BCAR3: variants seen among roughly 807,000 people sequenced by gnomAD.
The protein encoded by BCAR3 is breast cancer anti-estrogen resistance protein 3.
Under a neutral mutation model 80.1 loss-of-function variants are expected in BCAR3, and 37 were observed. The observed-to-expected ratio is 0.46, with a 90% CI of 0.36 to 0.61. The LOEUF (loss-of-function observed/expected upper bound fraction) is 0.61. Among genes scored for constraint, BCAR3 ranks in the 20% least tolerant of loss-of-function variants. BCAR3 has a pLI of 0.00. For synonymous variants in BCAR3, 389 were observed against 418.9 expected (o/e 0.93, Z 0.87); for missense variants, 978 against 1,068.2 (o/e 0.92, Z 1.18).
At chr1:93,677,070 T>C (rs1216586250) in intron 1 of BCAR3, among the ~76,000 whole-genome samples, 1 of 152,224 alleles carries the variant, frequency 6.6e-6, no homozygotes, top group East Asian at 1.9e-4. Flanking sequence ...GCCTATTTCA[T>C]ACAAGACACC....
intron 3 of BCAR3, among the ~76,000 whole-genome samples, chr1:93,694,775 C>G (rs1649326335): frequency 6.6e-6 from 1 of 152,228 alleles, no homozygotes; most frequent in Non-Finnish European, 1.5e-5. Flanking sequence ...TGGGAGACCC[C>G]AAACCACACT....
At chr1:93,627,310 T>C (rs557069438) in intron 3 of BCAR3, among the ~76,000 whole-genome samples, 3 of 152,366 alleles carry the variant, frequency 2.0e-5, no homozygotes, top group Non-Finnish European at 2.9e-5. Flanking sequence ...TCCATTCAAA[T>C]TGAATTTTAA....
chr1:93,703,436 A>C (rs1474403716), intron 3 of BCAR3, among the ~76,000 whole-genome samples: 1 of 152,030 alleles, frequency 6.6e-6, no homozygotes, highest in Non-Finnish European at 1.5e-5. Flanking sequence ...GTGTCGTGGT[A>C]CACTCCTGTA....
intron 3 of BCAR3, chr1:93,594,289 C>T (rs1319335060): frequency 1.3e-5 from 2 of 152,360 alleles, no homozygotes; most frequent in East Asian, 3.9e-4. Flanking sequence ...CCCTTTCGCC[C>T]TCAAGTCATC....
At chr1:93,728,496 C>T (rs1042797900) in intron 2 of BCAR3, among the ~76,000 whole-genome samples, 1 of 152,214 alleles carries the variant, frequency 6.6e-6, no homozygotes, top group African/African-American at 2.4e-5. Context: ...GGGTTCTTGC[C>T]TTGGTGTACC....
intron 2 of BCAR3, among the ~76,000 whole-genome samples, chr1:93,787,854 C>T (rs557463570): frequency 2.0e-5 from 3 of 152,206 alleles, no homozygotes; most frequent in Admixed American, 1.3e-4. Context: ...AGTTTAAATC[C>T]ATTGTTCCTT....
chr1:93,754,448 G>A (rs975029071), intron 2 of BCAR3: 4 of 152,180 alleles, frequency 2.6e-5, no homozygotes, highest in Non-Finnish European at 5.9e-5. Context: ...CATCTTTTTG[G>A]AGAGCTTGCA....
intron 2 of BCAR3, among the ~76,000 whole-genome samples, chr1:93,817,513 G>A (rs1226931466): frequency 6.6e-6 from 1 of 152,190 alleles, no homozygotes; most frequent in Non-Finnish European, 1.5e-5. Flanking sequence ...GTCTCTGAAA[G>A]TTGAGTGTCG....
At chr1:93,770,895 G>A (rs1427756373) in intron 2 of BCAR3, among the ~76,000 whole-genome samples, 2 of 152,046 alleles carry the variant, frequency 1.3e-5, no homozygotes, top group Non-Finnish European at 2.9e-5. Flanking sequence ...TATGCAAGTG[G>A]TGTCATCTCT....
At chr1:93,709,753 G>A (rs1429687588) in intron 2 of BCAR3, among the ~76,000 whole-genome samples, 3 of 152,136 alleles carry the variant, frequency 2.0e-5, no homozygotes, top group African/African-American at 7.2e-5. Context: ...ACAATCTATA[G>A]GATTGTAGAT....
At chr1:93,614,219 A>C (rs928717398) in intron 3 of BCAR3, 5 of 1,138,486 alleles carry the variant, frequency 4.4e-6, no homozygotes, top group African/African-American at 1.6e-5. Flanking sequence ...CTTTCTGATG[A>C]AATTCTAACC....
intron 3 of BCAR3, among the ~76,000 whole-genome samples, chr1:93,596,151 C>A (rs560542717): frequency 6.4e-4 from 98 of 152,186 alleles, no homozygotes; most frequent in Non-Finnish European, 9.6e-4. Flanking sequence ...CCTAAGAATC[C>A]TCCTGCCCTT....
At chr1:93,819,211 C>T (rs1484144245) in intron 2 of BCAR3, among the ~76,000 whole-genome samples, 2 of 152,096 alleles carry the variant, frequency 1.3e-5, no homozygotes, top group African/African-American at 4.8e-5. Flanking sequence ...GGATTACAGG[C>T]GTGTGCTGCC....
At chr1:93,787,288 AAACTT>A (rs1240567200) in intron 2 of BCAR3, among the ~76,000 whole-genome samples, 9 of 152,162 alleles carry the variant, frequency 5.9e-5, no homozygotes, top group Non-Finnish European at 8.8e-5. Context: ...TGGTGGGTGA[AAACTT>A]AAGAGGAATA....
chr1:93,599,178 A>G (rs2101863146), intron 3 of BCAR3: 1 of 152,286 alleles, frequency 6.6e-6, no homozygotes, highest in Non-Finnish European at 1.5e-5. Flanking sequence ...TGAGCGAAGA[A>G]GATACTCTAT....
chr1:93,613,735 G>A, intron 3 of BCAR3: 1 of 1,330,878 alleles, frequency 7.5e-7, no homozygotes, highest in South Asian at 1.4e-5. Context: ...AAGCACCTCT[G>A]TTTTCACAAT....
At chr1:93,786,125 G>A (rs1202121903) in intron 2 of BCAR3, among the ~76,000 whole-genome samples, 6 of 112,894 alleles carry the variant, frequency 5.3e-5, no homozygotes, top group African/African-American at 2.8e-4. Context: ...CCCGGGAGGC[G>A]GAGCTTGCAG....
At position 93,786,192 on chromosome 1, in the gene BCAR3, C is replaced by CAAA. The variant is rs61644309; in HGVS notation, c.-63+59372_-63+59374dup. Among the ~76,000 whole-genome samples the CAAA allele has an allele frequency of 7.3e-4, 17 of 23,246 alleles. 1 individual carries two copies. Among genetic ancestry groups the CAAA allele is most frequent in the African/African-American group, 2.6e-3 (13 of 5,082 alleles). The allele number at this position is 23,246 out of a possible 152,430, so 15.3% of individuals were successfully genotyped here. On this transcript the variant is annotated intron_variant, in intron 2 of 13. Coordinates refer to the BCAR3 transcript ENST00000370244. ...TGGGCGTCAGAGCGAGACTCCGTCT[C>CAAA]AAAAAAAAAAAAAAAAAAAAAAAAA...
chr1:93,760,357 C>T (rs115315654), intron 2 of BCAR3, among the ~76,000 whole-genome samples: 2,264 of 151,974 alleles, frequency 0.015, 46 homozygotes, highest in African/African-American at 0.052. Context: ...GCTTATAAGG[C>T]GATAAAGGTC....
Sources: allele counts gnomAD v4.1 joint callset (sites outside exome capture counted in the v4.1 genomes callset), GRCh38; gene constraint gnomAD v4.1.1; transcripts MANE v1.5; gene names NCBI Gene and HGNC (gene_info 2026-07-23, HGNC 2026-07-21).